BRSK1: variants seen among roughly 807,000 people sequenced by gnomAD.
BRSK1 encodes the protein serine/threonine-protein kinase BRSK1.
BRSK1 carries 17 observed loss-of-function variants against 86.2 expected under a neutral mutation model. The observed-to-expected ratio is 0.20, with a 90% CI of 0.14 to 0.30. The LOEUF is 0.30. BRSK1 is among the 10% of genes least tolerant of loss of function. The pLI is 1.00. For synonymous variants in BRSK1, 464 were observed against 440.1 expected (o/e 1.05, Z -0.68); for missense variants, 719 against 1,071.9 (o/e 0.67, Z 4.60).
intron 17 of BRSK1, among the ~76,000 whole-genome samples, chr19:55,308,024 G>GTT (rs563131841): frequency 5.0e-5 from 7 of 139,522 alleles, no homozygotes; most frequent in East Asian, 2.1e-4. Flanking sequence ...TTGTTGTTTG[G>GTT]TTTTTTTTTT....
At chr19:55,301,941 G>C (rs896309667) in intron 8 of BRSK1, 196 bp from the exon 9 acceptor site, 2 of 823,096 alleles carry the variant, frequency 2.4e-6, no homozygotes, top group Non-Finnish European at 2.0e-6. Context: ...CGGCCGGTCC[G>C]GGGTACACGG....
At position 55,306,821 on chromosome 19, in the gene BRSK1, C is replaced by A. The variant is rs2088656975; in HGVS notation, c.2089+371C>A. ...CGCAGAGCTGCAGCCCAACCCAGGC[C>A]TCCCAACTTCAGAGGAGAGAGCCCA... On this transcript the variant is annotated intron_variant, in intron 17 of 18. Coordinates refer to ENST00000309383, the MANE Select transcript of BRSK1 (RefSeq NM_032430.2). The surrounding 1 kb of genome is among the most constrained non-coding windows in gnomAD (Gnocchi z 4.7). 6.6e-6 allele frequency among the ~76,000 whole-genome samples: 1 copy of A among 152,188 alleles called. No homozygotes were observed.
chr19:55,303,605 A>T lies in BRSK1; in HGVS notation c.1127-62A>T. 1.3e-6 allele frequency: 2 copies of T among 1,550,976 alleles called. No individual in the cohort carries two copies. The highest frequency in any genetic ancestry group is 1.7e-6 in the Non-Finnish European group (2 of 1,145,670). Reference sequence around the variant, plus strand: ...TGTTTCCCCATGTGTGCAGTTTCTGAGGCAGTTGTACACAGCTGGGTGAAA... The same window carrying T: ...TGTTTCCCCATGTGTGCAGTTTCTGTGGCAGTTGTACACAGCTGGGTGAAA... On this transcript the variant is annotated intron_variant, in intron 11 of 18. Coordinates refer to ENST00000309383, the MANE Select transcript of BRSK1 (RefSeq NM_032430.2). The surrounding 1 kb of genome is among the most constrained non-coding windows in gnomAD (Gnocchi z 5.1).
chr19:55,293,882 G>A, intron 4 of BRSK1, 135 bp from the exon 5 acceptor site: 2 of 625,938 alleles, frequency 3.2e-6, no homozygotes, highest in Non-Finnish European at 5.4e-6. Context: ...CAAAATTAAT[G>A]AATGATAATA....
In BRSK1 at chr19:55,287,252, C is replaced by T. The variant is rs201641035; in HGVS notation, c.270C>T (p.His90=). The T allele has an allele frequency of 6.8e-6, 11 of 1,614,034 alleles. No homozygotes were observed. In the Admixed American group the frequency reaches 1.7e-4, roughly 24 times the overall value. ...TCGCCATCCTGAAGCTCATCGAACA[C>T]CCACATGTCCTCAAGCTCCACGACG... ...REIAILKLIE[H]PHVLKLHDVY... Residue 90 remains histidine (H), a synonymous_variant, in exon 3 of 19, where the codon CAC becomes CAT. Coordinates refer to ENST00000309383, the MANE Select transcript of BRSK1 (RefSeq NM_032430.2). This position sits in a 1 kb window ranked among gnomAD's most constrained non-coding sequence, Gnocchi z 5.3.
rs2088636879 is a variant in BRSK1 at position 55,305,506 on chromosome 19, A to G, written c.1810A>G (p.Lys604Glu). ...SWFGNFISLDKEEQIFLVLKD... is the reference protein window; with the variant it reads ...SWFGNFISLDEEEQIFLVLKD... ...GTTCGGGAACTTCATCTCCTTGGAC[A>G]AAGAAGAACAAATATTCCTCGTGCT... The change falls in exon 16 of 19, where the codon AAA (lysine) becomes GAA (glutamate). Residue 604 changes from lysine (K) to glutamate (E), a missense_variant. Lys to Glu is a moderately conservative substitution (Grantham distance 56, BLOSUM62 1). This residue lies in a region of BRSK1 where 180 missense variants were observed against 259.4 expected (regional missense o/e 0.69). Coordinates refer to ENST00000309383, the MANE Select transcript of BRSK1 (RefSeq NM_032430.2). 6.2e-7 allele frequency: 1 copy of G among 1,614,074 alleles called. No homozygotes were observed. The highest frequency in any genetic ancestry group is 8.5e-7 in the Non-Finnish European group (1 of 1,180,038).
rs1834454510 is a variant in BRSK1 at position 55,306,858 on chromosome 19, T to C, written c.2089+408T>C. ...GAGGAGAGAGCCCAGCTCTTCCTAT[T>C]ACTTTAAGATGGTAGAGCCAAAGGG... On this transcript the variant is annotated intron_variant, in intron 17 of 18. Coordinates refer to ENST00000309383, the MANE Select transcript of BRSK1 (RefSeq NM_032430.2). This position sits in a 1 kb window ranked among gnomAD's most constrained non-coding sequence, Gnocchi z 4.7. 6.6e-6 allele frequency among the ~76,000 whole-genome samples: 1 copy of C among 152,174 alleles called. No individual in the cohort carries two copies. Among genetic ancestry groups the C allele is most frequent in the Non-Finnish European group, 1.5e-5 (1 of 68,030 alleles).
Position 55,294,564 on chromosome 19 carries a change from T to C in BRSK1, c.678+167T>C, listed in dbSNP as rs1295124212. ...TCGCCTAGGCTGGAGTGCAGTGGTGTGATCTCAGCTCACTGCAACCTCTGC... is the reference window on the plus strand; with the variant it reads ...TCGCCTAGGCTGGAGTGCAGTGGTGCGATCTCAGCTCACTGCAACCTCTGC... On this transcript the variant is annotated intron_variant, in intron 7 of 18. Coordinates refer to ENST00000309383, the MANE Select transcript of BRSK1 (RefSeq NM_032430.2). The surrounding 1 kb of genome is among the most constrained non-coding windows in gnomAD (Gnocchi z 4.9). Among the ~76,000 whole-genome samples, 2 of 151,548 alleles carry C rather than the reference T, an allele frequency of 1.3e-5. No individual in the cohort carries two copies. The highest frequency in any genetic ancestry group is 1.9e-4 in the East Asian group (1 of 5,162).
Position 55,310,587 on chromosome 19 carries a change from TC to T in BRSK1, c.2180-1322del, listed in dbSNP as rs2088763645. ...ATTTAGTAATGTCTGGAGACATTTTTCCTCCCCTCAACTGGGGAAAACAGGG... is the reference window on the plus strand; with the variant it reads ...ATTTAGTAATGTCTGGAGACATTTTTCTCCCCTCAACTGGGGAAAACAGGG... On this transcript the variant is annotated intron_variant, in intron 18 of 18. Transcript: ENST00000309383. The surrounding 1 kb of genome is among the most constrained non-coding windows in gnomAD (Gnocchi z 5.0). 6.6e-6 allele frequency among the ~76,000 whole-genome samples: 1 copy of T among 151,964 alleles called. No homozygotes were observed. Among genetic ancestry groups the T allele is most frequent in the South Asian group, 2.1e-4 (1 of 4,804 alleles).
At chr19:55,296,293 G>A (rs980332868) in intron 7 of BRSK1, among the ~76,000 whole-genome samples, 2 of 152,174 alleles carry the variant, frequency 1.3e-5, no homozygotes, top group African/African-American at 4.8e-5. Flanking sequence ...TGAGGTCAGG[G>A]CCGATGTCTG....
In BRSK1 at chr19:55,294,401, A is replaced by T; in HGVS notation, c.678+4A>T. On this transcript the variant is annotated splice_donor_region_variant and intron_variant, in intron 7 of 18. Transcript: ENST00000309383. The surrounding 1 kb of genome is among the most constrained non-coding windows in gnomAD (Gnocchi z 4.9). ...CATCCTCTTCGCCCTGCTCGTGGTA[A>T]GGCGCCCTCACCTCTCCTGTCATTT... 1 of 1,613,632 alleles carries T rather than the reference A, an allele frequency of 6.2e-7. No individual in the cohort carries two copies. The highest frequency in any genetic ancestry group is 2.2e-5 in the East Asian group (1 of 44,882).
intron 1 of BRSK1, 78 bp downstream of exon 1, chr19:55,284,656 A>C: frequency 1.7e-6 from 2 of 1,197,184 alleles, no homozygotes; most frequent in Non-Finnish European, 2.1e-6. Context: ...AGGGTATTCA[A>C]ATGGCAGGGG....
chr19:55,284,173 G>T lies in BRSK1; in HGVS notation c.-270G>T. ...GGGGAGGCGCAGGAAGCGGGGGGCCGGCCAGAAACGGGCTGGGGAGGGGGG... is the reference window on the plus strand; with the variant it reads ...GGGGAGGCGCAGGAAGCGGGGGGCCTGCCAGAAACGGGCTGGGGAGGGGGG... On this transcript the variant is annotated 5_prime_UTR_variant, in exon 1 of 19. Transcript: ENST00000309383. 1 of 999,086 alleles carries T rather than the reference G, an allele frequency of 1.0e-6. No individual in the cohort carries two copies. The highest frequency in any genetic ancestry group is 1.3e-6 in the Non-Finnish European group (1 of 777,302). 61.9% of individuals were successfully genotyped at this position (999,086 alleles called of 1,614,324 possible).
Position 55,284,255 on chromosome 19 carries a change from C to T in BRSK1, c.-188C>T. 1 of 454,224 alleles carries T rather than the reference C, an allele frequency of 2.2e-6. No individual in the cohort carries two copies. The allele number at this position is 454,224 out of a possible 1,614,324, so 28.1% of individuals were successfully genotyped here. The stretch of plus-strand genomic sequence containing the variant: ...CCGGGGCCTGACCCCCCCGGGCCAG[C>T]CCCCCCTCCCCCAGCTCCGCGGCCC... On this transcript the variant is annotated 5_prime_UTR_variant, in exon 1 of 19. Coordinates refer to ENST00000309383, the MANE Select transcript of BRSK1 (RefSeq NM_032430.2).
intron 17 of BRSK1, among the ~76,000 whole-genome samples, chr19:55,308,391 T>C (rs984692479): frequency 6.6e-6 from 1 of 152,138 alleles, no homozygotes; most frequent in African/African-American, 2.4e-5. Context: ...CAAGCAATAG[T>C]ATCTATTTGA....
chr19:55,284,436 G>A lies in BRSK1; in HGVS notation c.-7G>A. ...GGGGGACCGGTCGGGCCGGGACCAA[G>A]GGCACCATGTCGTCCGGGGCCAAGG... On this transcript the variant is annotated 5_prime_UTR_variant, in exon 1 of 19. Transcript: ENST00000309383. 1.6e-6 allele frequency: 2 copies of A among 1,257,062 alleles called. No individual in the cohort carries two copies. The highest frequency in any genetic ancestry group is 2.0e-6 in the Non-Finnish European group (2 of 975,752). 77.9% of individuals were successfully genotyped at this position (1,257,062 alleles called of 1,614,324 possible).
At chr19:55,309,169 G>C (rs2088725370) in intron 18 of BRSK1, among the ~76,000 whole-genome samples, 1 of 152,104 alleles carries the variant, frequency 6.6e-6, no homozygotes, top group Non-Finnish European at 1.5e-5. Context: ...GCAGGGCTTT[G>C]AGTCTAAACC....
In BRSK1 at chr19:55,303,949, C is replaced by T; in HGVS notation, c.1287-101C>T. 1 of 1,507,692 alleles carries T rather than the reference C, an allele frequency of 6.6e-7. No individual in the cohort carries two copies. The highest frequency in any genetic ancestry group is 1.3e-5 in the South Asian group (1 of 78,006). 93.4% of individuals were successfully genotyped at this position (1,507,692 alleles called of 1,614,324 possible). A position where few individuals can be genotyped will look rare whatever the true frequency, so the allele number is the denominator to read the frequency against. On this transcript the variant is annotated intron_variant, in intron 12 of 18. Transcript: ENST00000309383. The surrounding 1 kb of genome is among the most constrained non-coding windows in gnomAD (Gnocchi z 5.1). ...GACAATTCACCTCCCCTCTCTGGGC[C>T]TCATTTCCTCACCTGGAAGGACTGT...
Position 55,302,833 on chromosome 19 carries a change from C to G in BRSK1, c.994C>G (p.Arg332Gly). 1 of 1,613,684 alleles carries G rather than the reference C, an allele frequency of 6.2e-7. No individual in the cohort carries two copies. The highest frequency in any genetic ancestry group is 8.5e-7 in the Non-Finnish European group (1 of 1,179,914). ...GGCATCACTGGGCTGCTTCAGGGAC[C>G]GCGAGAGGCTGCATCGCGAGCTGCG... is the stretch of plus-strand genomic sequence containing the variant. ...SMASLGCFRD[R>G]ERLHRELRSE... Residue 332 changes from arginine (R) to glycine (G), a missense_variant, in exon 10 of 19, where the codon CGC becomes GGC. By Grantham distance (125) the Arg-to-Gly change is moderately radical. This residue lies in a region of BRSK1 where 168 missense variants were observed against 246.3 expected (regional missense o/e 0.68). Coordinates refer to ENST00000309383, the MANE Select transcript of BRSK1 (RefSeq NM_032430.2). This position sits in a 1 kb window ranked among gnomAD's most constrained non-coding sequence, Gnocchi z 6.3.
Sources: gnomAD v4.1 joint callset for allele counts (sites outside exome capture counted in the v4.1 genomes callset) on GRCh38, gnomAD v4.1.1 for gene constraint, gnomAD v4.1.1 regional missense constraint, Gnocchi (gnomAD v3.1) non-coding constraint, MANE v1.5 for transcripts, NCBI Gene and HGNC (gene_info 2026-07-23, HGNC 2026-07-21) for gene names.